Variants in KMT5B observed in about 807,000 individuals in gnomAD.
KMT5B encodes the protein lysine methyltransferase 5B.
Under a neutral mutation model 83.2 loss-of-function variants are expected in KMT5B, and 10 were observed. The ratio of observed to expected loss-of-function variants is 0.12; its 90% confidence interval spans 0.07 to 0.20. KMT5B has a LOEUF of 0.20. Among genes scored for constraint, KMT5B ranks in the 10% least tolerant of loss-of-function variants. The probability of loss-of-function intolerance (pLI) is 1.00; values close to 1 mark genes in which losing one functional copy is unlikely to be tolerated. For missense variants in KMT5B, 753 were observed against 1,067.2 expected, an observed-to-expected ratio of 0.71 and a Z score of 4.10; for synonymous variants, 349 against 388.8, an observed-to-expected ratio of 0.90 and a Z score of 1.20.
intron 1 of KMT5B, among the ~76,000 whole-genome samples, chr11:68,190,770 G>C (rs2153073044): frequency 6.6e-6 from 1 of 152,316 alleles, no homozygotes; most frequent in Admixed American, 6.5e-5. Context: ...GACTGCTTGA[G>C]CCCAGAAGTT....
At chr11:68,162,162 G>C (rs1422470283) in intron 10 of KMT5B, among the ~76,000 whole-genome samples, 2 of 152,156 alleles carry the variant, frequency 1.3e-5, no homozygotes, top group African/African-American at 2.4e-5. Context: ...ACAGCCTCCT[G>C]CATGAACTAT....
chr11:68,187,730 G>A (rs11228155), intron 2 of KMT5B, among the ~76,000 whole-genome samples: 15,211 of 152,172 alleles, frequency 0.1, 824 homozygotes, highest in East Asian at 0.23. Flanking sequence ...TAAAAGTGGC[G>A]TATCAAAGTC....
chr11:68,180,883 A>G (rs1021991197), intron 3 of KMT5B, among the ~76,000 whole-genome samples: 1 of 152,198 alleles, frequency 6.6e-6, no homozygotes, highest in Admixed American at 6.5e-5. Flanking sequence ...CATAATTGAC[A>G]AAAGTCAATT....
In KMT5B at chr11:68,156,902, A is replaced by T. The variant is rs982886738; in HGVS notation, c.*786T>A. On this transcript the variant is annotated 3_prime_UTR_variant, in exon 11 of 11. Transcript: ENST00000304363. ...TGCTTGTTGTCATCACGTTGTTCAC[A>T]GCAAATTTTTGAAAAAATAAGCACC... 16 of 152,636 alleles carry T rather than the reference A, an allele frequency of 1.0e-4. No homozygotes were observed. The highest frequency in any genetic ancestry group is 3.1e-4 in the African/African-American group (13 of 41,450). The allele number at this position is 152,636 out of a possible 1,614,324, so 9.5% of individuals were successfully genotyped here. A position where few individuals can be genotyped will look rare whatever the true frequency, so the allele number is the denominator to read the frequency against.
intron 1 of KMT5B, among the ~76,000 whole-genome samples, chr11:68,194,507 T>C (rs998001073): frequency 2.6e-5 from 4 of 152,194 alleles, no homozygotes; most frequent in African/African-American, 7.2e-5. Context: ...GTTCAAAAAT[T>C]ATAGCCTACT....
At position 68,171,468 on chromosome 11, in the gene KMT5B, G is replaced by T; in HGVS notation, c.820+75C>A. The T allele has an allele frequency of 6.8e-7, 1 of 1,468,832 alleles. No homozygotes were observed. Among genetic ancestry groups the T allele is most frequent in the Non-Finnish European group, 9.3e-7 (1 of 1,072,830 alleles). 91.0% of individuals were successfully genotyped at this position (1,468,832 alleles called of 1,614,324 possible). On this transcript the variant is annotated intron_variant, in intron 7 of 10. Transcript: ENST00000304363. The surrounding 1 kb of genome is among the most constrained non-coding windows in gnomAD (Gnocchi z 5.1). Reference sequence around the variant, plus strand: ...TTTAAAGGAAGATAAAGGTTTGACTGAGGTTGACAAGGCCATTCTAGCAGT... The same window carrying T: ...TTTAAAGGAAGATAAAGGTTTGACTTAGGTTGACAAGGCCATTCTAGCAGT...
At chr11:68,161,384 C>A (rs900179643) in intron 10 of KMT5B, among the ~76,000 whole-genome samples, 3 of 152,100 alleles carry the variant, frequency 2.0e-5, no homozygotes. Flanking sequence ...TACGATGATC[C>A]TTTGCTCATT....
chr11:68,178,148 G>A (rs1856554577), intron 4 of KMT5B, among the ~76,000 whole-genome samples: 1 of 152,168 alleles, frequency 6.6e-6, no homozygotes, highest in South Asian at 2.1e-4. Flanking sequence ...GGCTACAAAC[G>A]ACAGAAAGGG....
chr11:68,199,798 T>C (rs989158759), intron 1 of KMT5B, among the ~76,000 whole-genome samples: 1 of 152,198 alleles, frequency 6.6e-6, no homozygotes, highest in African/African-American at 2.4e-5. Flanking sequence ...CAAGAAGTGG[T>C]TGGCTTCGAG....
rs1859283023 is a variant in KMT5B, at chr11:68,156,173, C to CA, written c.*1514dup. On this transcript the variant is annotated 3_prime_UTR_variant, in exon 11 of 11. Transcript: ENST00000304363. ...GGGCTACTTTCCTATAGACACTATA[C>CA]AAATCCCCTGAATTGATTTTTACTT... is the stretch of plus-strand genomic sequence containing the variant. 6.6e-6 allele frequency: 1 copy of CA among 152,172 alleles called. No individual in the cohort carries two copies. Among genetic ancestry groups the CA allele is most frequent in the Non-Finnish European group, 1.5e-5 (1 of 68,034 alleles). 9.4% of individuals were successfully genotyped at this position (152,172 alleles called of 1,614,324 possible). A position where few individuals can be genotyped will look rare whatever the true frequency, so the allele number is the denominator to read the frequency against.
At chr11:68,193,816 T>A (rs919995198) in intron 1 of KMT5B, among the ~76,000 whole-genome samples, 1 of 150,708 alleles carries the variant, frequency 6.6e-6, no homozygotes, top group African/African-American at 2.5e-5. Flanking sequence ...TTTTTTTTTT[T>A]AAGAGACAGG....
Position 68,205,623 on chromosome 11 carries a change from CT to C in KMT5B, c.-77+7514del, listed in dbSNP as rs61314677. Among the ~76,000 whole-genome samples the C allele has an allele frequency of 4.8e-3, 679 of 140,456 alleles. 4 individuals are homozygous for C. Among genetic ancestry groups the C allele is most frequent in the African/African-American group, 0.013 (484 of 38,216 alleles). The allele number at this position is 140,456 out of a possible 152,430, so 92.1% of individuals were successfully genotyped here. ...AGTTTATGATCAGACATTCGCAATT[CT>C]TTTTTTTTTTTTTTCAGACGGAGTC... On this transcript the variant is annotated intron_variant, in intron 1 of 10. Coordinates refer to ENST00000304363, the MANE Select transcript of KMT5B (RefSeq NM_017635.5).
At chr11:68,159,819 T>TG (rs1204758895) in intron 10 of KMT5B, among the ~76,000 whole-genome samples, 4 of 152,224 alleles carry the variant, frequency 2.6e-5, no homozygotes, top group African/African-American at 9.6e-5. Flanking sequence ...AGGCAACCAG[T>TG]GGGCTGTCAA....
In KMT5B at chr11:68,156,072, T is replaced by C. The variant is rs1859275807; in HGVS notation, c.*1616A>G. The stretch of plus-strand genomic sequence containing the variant: ...CTGGAAACTAGTAGGAATCAATTAG[T>C]AGTAACAGTAAGCATTGAGATTTTC... On this transcript the variant is annotated 3_prime_UTR_variant, in exon 11 of 11. Coordinates refer to ENST00000304363, the MANE Select transcript of KMT5B (RefSeq NM_017635.5). 4 of 152,208 alleles carry C rather than the reference T, an allele frequency of 2.6e-5. No individual in the cohort carries two copies. The highest frequency in any genetic ancestry group is 2.6e-4 in the Admixed American group (4 of 15,270). 9.4% of individuals were successfully genotyped at this position (152,208 alleles called of 1,614,324 possible).
At chr11:68,184,492 G>C (rs1857246674) in intron 3 of KMT5B, among the ~76,000 whole-genome samples, 2 of 152,174 alleles carry the variant, frequency 1.3e-5, no homozygotes, top group African/African-American at 4.8e-5. Flanking sequence ...TCTAGCAAGG[G>C]ATAAAATTAA....
At position 68,207,114 on chromosome 11, in the gene KMT5B, T is replaced by C. The variant is rs147750281; in HGVS notation, c.-77+6024A>G. On this transcript the variant is annotated intron_variant, in intron 1 of 10. Transcript: ENST00000304363. ...AAAATTAGCCGGGCATGGTGGCGGCTGAGGCAGGAGAATGGTGTGAACCTG... is the reference window on the plus strand; with the variant it reads ...AAAATTAGCCGGGCATGGTGGCGGCCGAGGCAGGAGAATGGTGTGAACCTG... 6.4e-3 allele frequency among the ~76,000 whole-genome samples: 976 copies of C among 151,510 alleles called. 10 individuals are homozygous for C. Among genetic ancestry groups the C allele is most frequent in the African/African-American group, 0.023 (944 of 41,162 alleles).
In KMT5B at chr11:68,158,184, C is replaced by T. The variant is rs1555022623; in HGVS notation, c.2162G>A (p.Arg721His). The T allele has an allele frequency of 1.9e-6, 3 of 1,614,142 alleles. No individual in the cohort carries two copies. The highest frequency in any genetic ancestry group is 2.5e-6 in the Non-Finnish European group (3 of 1,180,036). The stretch of plus-strand genomic sequence containing the variant: ...TTTGCTGCTGCTATCATGACGCCTA[C>T]GAAGAGTCAATTTGGGAATCCCAGA... ...NNSGIPKLTL[R>H]RRHDSSSKTN... is the part of the protein sequence containing the mutation. The change falls in exon 11 of 11, where the codon CGT becomes CAT. Residue 721 changes from arginine to histidine, a missense_variant. Around this residue, in one of 9 missense-constraint regions of KMT5B, gnomAD observed 12 missense variants for 30.1 expected, o/e 0.40. Transcript: ENST00000304363.
At chr11:68,176,786 AAAAC>A (rs1856429707) in intron 4 of KMT5B, 1 of 152,228 alleles carries the variant, frequency 6.6e-6, no homozygotes, top group Non-Finnish European at 1.5e-5. Context: ...CTGTATCAAA[AAAAC>A]AAAACAAAAC....
chr11:68,205,385 T>C (rs1859966421), intron 1 of KMT5B, among the ~76,000 whole-genome samples: 1 of 152,174 alleles, frequency 6.6e-6, no homozygotes, highest in Non-Finnish European at 1.5e-5. Flanking sequence ...AAAATGCAGC[T>C]ACTGAGTTAT....
Sources: allele counts gnomAD v4.1 joint callset (sites outside exome capture counted in the v4.1 genomes callset), GRCh38; gene constraint gnomAD v4.1.1; regional missense constraint gnomAD v4.1.1; non-coding constraint Gnocchi (gnomAD v3.1); transcripts MANE v1.5; gene names NCBI Gene and HGNC (gene_info 2026-07-23, HGNC 2026-07-21).